Variants in FAM227B observed in about 807,000 individuals in gnomAD.
The protein encoded by FAM227B is protein FAM227B.
Under a neutral mutation model 73.8 loss-of-function variants are expected in FAM227B, and 88 were observed. The observed-to-expected ratio is 1.19, with a 90% CI of 1.00 to 1.42. The LOEUF is 1.42. Among genes scored for constraint, FAM227B ranks in the 40% most tolerant of loss-of-function variants. FAM227B has a pLI of 0.00. For synonymous variants in FAM227B, 210 were observed against 190.5 expected, an observed-to-expected ratio of 1.10 and a Z score of -0.84; for missense variants, 632 against 590.9, an observed-to-expected ratio of 1.07 and a Z score of -0.72.
intron 10 of FAM227B, among the ~76,000 whole-genome samples, chr15:49,512,991 A>G (rs963313425): frequency 1.3e-5 from 2 of 152,024 alleles, no homozygotes; most frequent in African/African-American, 2.4e-5. Context: ...AATTTTCTTT[A>G]TCCGGTCTAT....
At chr15:49,614,440 T>C (rs192643547) in intron 2 of FAM227B, among the ~76,000 whole-genome samples, 59 of 152,348 alleles carry the variant, frequency 3.9e-4, no homozygotes, top group African/African-American at 1.4e-3. Context: ...AGTTTGAAGA[T>C]AATAACATCA....
At chr15:49,582,213 C>T (rs1287869205) in intron 5 of FAM227B, among the ~76,000 whole-genome samples, 2 of 152,154 alleles carry the variant, frequency 1.3e-5, no homozygotes, top group Non-Finnish European at 2.9e-5. Context: ...CCAAGATCCA[C>T]TAGTACGCTA....
At chr15:49,518,586 G>A (rs983038470) in intron 10 of FAM227B, among the ~76,000 whole-genome samples, 3 of 152,152 alleles carry the variant, frequency 2.0e-5, no homozygotes, top group Non-Finnish European at 4.4e-5. Flanking sequence ...CCTGGCAGCA[G>A]GCAAGAATGA....
In FAM227B at chr15:49,520,268, G is replaced by A. The variant is rs184056252; in HGVS notation, c.875-11920C>T. Among the ~76,000 whole-genome samples the A allele has an allele frequency of 2.0e-3, 300 of 152,218 alleles. 1 individual carries two copies. The highest frequency in any genetic ancestry group is 6.9e-3 in the African/African-American group (287 of 41,518). ...TTAAAGCCATTCAACAAATCTCTAG[G>A]AAGTTCCAAACTTTCCCACATCTTC... On this transcript the variant is annotated intron_variant, in intron 10 of 15. Coordinates refer to ENST00000299338, the MANE Select transcript of FAM227B (RefSeq NM_152647.3).
intron 11 of FAM227B, among the ~76,000 whole-genome samples, chr15:49,383,299 G>A (rs563380611): frequency 5.3e-4 from 81 of 152,036 alleles, no homozygotes; most frequent in African/African-American, 1.8e-3. Context: ...GAATGTTCAC[G>A]GAACTCTGTG....
chr15:49,354,122 G>C (rs1596433671), intron 13 of FAM227B: 1 of 152,030 alleles, frequency 6.6e-6, no homozygotes, highest in Non-Finnish European at 1.5e-5. Flanking sequence ...TCTTTATATA[G>C]CTTTTATTTT....
chr15:49,535,851 T>C (rs948429348), intron 10 of FAM227B, among the ~76,000 whole-genome samples: 1 of 151,842 alleles, frequency 6.6e-6, no homozygotes, highest in Non-Finnish European at 1.5e-5. Flanking sequence ...AAGCATTTGA[T>C]AAAGTTCAAC....
chr15:49,471,450 T>A (rs1158267473), intron 11 of FAM227B, among the ~76,000 whole-genome samples: 1 of 150,584 alleles, frequency 6.6e-6, no homozygotes. Flanking sequence ...GCCACTGCAC[T>A]ATAGCCTGAG....
intron 15 of FAM227B, chr15:49,331,482 T>A (rs1293801739): frequency 9.9e-6 from 3 of 302,072 alleles, no homozygotes; most frequent in Non-Finnish European, 1.8e-5. Context: ...ATGAAAAACT[T>A]ACAATTTTAA....
chr15:49,489,909 G>GAC (rs1158723188), intron 11 of FAM227B, among the ~76,000 whole-genome samples: 4,765 of 53,136 alleles, frequency 0.09, 1,184 homozygotes, highest in African/African-American at 0.18. Context: ...GAGAGAGAGA[G>GAC]AGAGACAGAG....
At chr15:49,355,463 T>C (rs1412542246) in intron 13 of FAM227B, among the ~76,000 whole-genome samples, 4 of 152,292 alleles carry the variant, frequency 2.6e-5, no homozygotes, top group South Asian at 2.1e-4. Context: ...CAGGAGCCGA[T>C]GCGATCAACT....
intron 5 of FAM227B, among the ~76,000 whole-genome samples, chr15:49,586,014 A>G (rs2076138859): frequency 1.3e-5 from 2 of 152,172 alleles, no homozygotes; most frequent in Non-Finnish European, 1.5e-5. Flanking sequence ...TATTCACAGA[A>G]CTAGAAAAGG....
At chr15:49,465,490 C>T (rs1359232425) in intron 11 of FAM227B, among the ~76,000 whole-genome samples, 2 of 151,980 alleles carry the variant, frequency 1.3e-5, no homozygotes, top group Non-Finnish European at 2.9e-5. Flanking sequence ...GATATGCTAT[C>T]TTACAGAGTA....
At chr15:49,432,095 G>T (rs2050671673) in intron 11 of FAM227B, among the ~76,000 whole-genome samples, 1 of 151,616 alleles carries the variant, frequency 6.6e-6, no homozygotes, top group African/African-American at 2.4e-5. Context: ...TAATGTAAGA[G>T]AAATAAGACA....
At chr15:49,423,408 T>C (rs1274574761) in intron 11 of FAM227B, 1 of 152,184 alleles carries the variant, frequency 6.6e-6, no homozygotes, top group Non-Finnish European at 1.5e-5. Flanking sequence ...AGACATGGAA[T>C]TCTTATATAT....
intron 11 of FAM227B, among the ~76,000 whole-genome samples, chr15:49,446,513 G>C (rs2052229986): frequency 6.6e-6 from 1 of 151,548 alleles, no homozygotes; most frequent in Admixed American, 6.6e-5. Flanking sequence ...AGGAGGTAAA[G>C]AACTGGGAAA....
chr15:49,556,093 CT>C (rs2073641952), intron 9 of FAM227B, among the ~76,000 whole-genome samples: 1 of 152,156 alleles, frequency 6.6e-6, no homozygotes, highest in African/African-American at 2.4e-5. Context: ...CCATTTCATC[CT>C]GATTAAGAAC....
intron 10 of FAM227B, among the ~76,000 whole-genome samples, chr15:49,532,111 T>C (rs999776431): frequency 4.0e-5 from 6 of 150,406 alleles, no homozygotes; most frequent in African/African-American, 1.5e-4. Context: ...CTATATATAA[T>C]AGATAAATGA....
chr15:49,453,827 C>A (rs1014415636), intron 11 of FAM227B, among the ~76,000 whole-genome samples: 1 of 152,112 alleles, frequency 6.6e-6, no homozygotes, highest in African/African-American at 2.4e-5. Flanking sequence ...AATTCAGGAT[C>A]TTCCCCCTCA....
Sources: allele counts gnomAD v4.1 joint callset (sites outside exome capture counted in the v4.1 genomes callset), GRCh38; gene constraint gnomAD v4.1.1; transcripts MANE v1.5; gene names NCBI Gene and HGNC (gene_info 2026-07-23, HGNC 2026-07-21).